FOXP2: variants seen among roughly 807,000 people sequenced by gnomAD.
FOXP2 encodes the protein forkhead box P2, also known as forkhead box protein P2.
In FOXP2, 12 loss-of-function variants were observed where a neutral mutation model predicts 115.8. The ratio of observed to expected loss-of-function variants is 0.10; its 90% confidence interval spans 0.07 to 0.17. FOXP2 has a LOEUF of 0.17. Ranked by LOEUF, FOXP2 falls within the 10% of genes least tolerant of loss-of-function variation. The pLI is 1.00. For synonymous variants in FOXP2, 328 were observed against 297.7 expected (o/e 1.10, Z -1.05); for missense variants, 629 against 843.5 (o/e 0.75, Z 3.15).
At chr7:114,301,593 G>A (rs1407382366) in intron 2 of FOXP2, among the ~76,000 whole-genome samples, 2 of 152,060 alleles carry the variant, frequency 1.3e-5, no homozygotes, top group Non-Finnish European at 2.9e-5. Context: ...TTGGACAAGT[G>A]TGTTTATCTC....
chr7:114,573,004 T>C (rs1801395725), intron 3 of FOXP2, among the ~76,000 whole-genome samples: 1 of 151,838 alleles, frequency 6.6e-6, no homozygotes. Flanking sequence ...GGTTCTTCCA[T>C]GTGTCTGAGA....
chr7:114,499,584 T>C (rs1434422589), intron 2 of FOXP2: 1 of 152,162 alleles, frequency 6.6e-6, no homozygotes, highest in Non-Finnish European at 1.5e-5. Flanking sequence ...TAATTATGAT[T>C]TTCTCTTCAT....
chr7:114,236,503 A>G (rs1394237987), intron 1 of FOXP2, among the ~76,000 whole-genome samples: 1 of 152,208 alleles, frequency 6.6e-6, no homozygotes, highest in Non-Finnish European at 1.5e-5. Flanking sequence ...TCGAATTGTA[A>G]ATGTATAGCT....
intron 6 of FOXP2, among the ~76,000 whole-genome samples, chr7:114,636,644 G>A (rs1439060006): frequency 6.9e-6 from 1 of 144,156 alleles, no homozygotes; most frequent in Non-Finnish European, 1.5e-5. Context: ...TTTTTTGAGT[G>A]TAAAAAAGCT....
chr7:114,132,656 G>C (rs887097678), intron 1 of FOXP2, among the ~76,000 whole-genome samples: 1 of 149,832 alleles, frequency 6.7e-6, no homozygotes, highest in Admixed American at 6.7e-5. Context: ...TGGCCAGGAA[G>C]CCCTCACTGA....
intron 3 of FOXP2, among the ~76,000 whole-genome samples, chr7:114,616,077 A>G (rs905566173): frequency 1.3e-5 from 2 of 152,058 alleles, no homozygotes; most frequent in East Asian, 3.9e-4. Context: ...AAGGACAGGA[A>G]CCTTTTATGT....
chr7:114,572,680 G>A (rs1193944506), intron 3 of FOXP2, among the ~76,000 whole-genome samples: 1 of 151,778 alleles, frequency 6.6e-6, no homozygotes, highest in East Asian at 1.9e-4. Context: ...TCGTTAAACT[G>A]AAGAGTGAGG....
intron 1 of FOXP2, among the ~76,000 whole-genome samples, chr7:114,277,499 A>G (rs943126088): frequency 2.0e-5 from 3 of 151,980 alleles, no homozygotes; most frequent in African/African-American, 7.2e-5. Flanking sequence ...TAAATATTGG[A>G]TACAGTCTAG....
rs1157086279 is a variant in FOXP2 at position 114,109,353 on chromosome 7, A to G, written c.-247+21515A>G. ...TTCATCTTCATCTTTAATGTCATGCATTCTGTCTCATCTTCATAATTCATC... is the reference window on the plus strand; with the variant it reads ...TTCATCTTCATCTTTAATGTCATGCGTTCTGTCTCATCTTCATAATTCATC... On this transcript the variant is annotated intron_variant, in intron 1 of 19. Coordinates refer to the FOXP2 transcript ENST00000635638. Among the ~76,000 whole-genome samples the G allele has an allele frequency of 2.6e-5, 4 of 152,066 alleles. No homozygotes were observed. The East Asian group carries it at 5.8e-4, about 22-fold the overall frequency.
intron 1 of FOXP2, among the ~76,000 whole-genome samples, chr7:114,229,509 G>A (rs1794821142): frequency 6.6e-6 from 1 of 151,554 alleles, no homozygotes; most frequent in Non-Finnish European, 1.5e-5. Context: ...CATAAAACAA[G>A]TTTGCAAATG....
In FOXP2 at chr7:114,450,926, G is replaced by T. The variant is rs188923864; in HGVS notation, c.168+24247G>T. Among the ~76,000 whole-genome samples, 395 of 152,094 alleles carry T rather than the reference G, an allele frequency of 2.6e-3. 2 individuals are homozygous for T. The highest frequency in any genetic ancestry group is 4.5e-3 in the Non-Finnish European group (308 of 67,956). On this transcript the variant is annotated intron_variant, in intron 2 of 16. Transcript: ENST00000350908. ...ATGTCTCTGTTCATGTAAAACACAA[G>T]TTGGTTTAATTTTTTAAAGATACAC...
intron 1 of FOXP2, among the ~76,000 whole-genome samples, chr7:114,138,931 T>C (rs1792126292): frequency 6.6e-6 from 1 of 152,138 alleles, no homozygotes; most frequent in Non-Finnish European, 1.5e-5. Context: ...AAGTGTGAAC[T>C]TCAGTTAATT....
chr7:114,446,050 G>A (rs942665110), intron 2 of FOXP2, among the ~76,000 whole-genome samples: 3 of 147,478 alleles, frequency 2.0e-5, no homozygotes, highest in African/African-American at 7.4e-5. Flanking sequence ...TAGTTTTTTT[G>A]CTTTTTAATA....
intron 2 of FOXP2, among the ~76,000 whole-genome samples, chr7:114,292,717 C>G (rs1562857363): frequency 6.6e-6 from 1 of 152,206 alleles, no homozygotes; most frequent in South Asian, 2.1e-4. Context: ...CATAGTCAAT[C>G]GGATGTTGCA....
At chr7:114,571,182 A>G (rs1170336115) in intron 3 of FOXP2, among the ~76,000 whole-genome samples, 1 of 151,920 alleles carries the variant, frequency 6.6e-6, no homozygotes, top group African/African-American at 2.4e-5. Context: ...TAATTTGATG[A>G]GGGAGTGTTG....
chr7:114,592,546 G>A (rs1481814828), intron 3 of FOXP2, among the ~76,000 whole-genome samples: 2 of 151,832 alleles, frequency 1.3e-5, no homozygotes, highest in Non-Finnish European at 2.9e-5. Context: ...TTTCTTTACA[G>A]ATCTATTTTA....
intron 3 of FOXP2, among the ~76,000 whole-genome samples, chr7:114,565,482 C>G (rs560980598): frequency 2.0e-5 from 3 of 152,200 alleles, no homozygotes; most frequent in African/African-American, 7.2e-5. Context: ...AAATGCATAT[C>G]CCTGGACGCT....
chr7:114,235,111 A>G (rs1174565562), intron 1 of FOXP2, among the ~76,000 whole-genome samples: 1 of 151,994 alleles, frequency 6.6e-6, no homozygotes, highest in Non-Finnish European at 1.5e-5. Flanking sequence ...ATGGTCTCAT[A>G]TAGTTTTCAA....
At chr7:114,163,122 C>G (rs1025718831) in intron 1 of FOXP2, 1 of 152,116 alleles carries the variant, frequency 6.6e-6, no homozygotes, top group South Asian at 2.1e-4. Flanking sequence ...TTTTTCATCT[C>G]TCAGTTTTTA....
Sources: allele counts gnomAD v4.1 joint callset (sites outside exome capture counted in the v4.1 genomes callset), GRCh38; gene constraint gnomAD v4.1.1; transcripts MANE v1.5; gene names NCBI Gene and HGNC (gene_info 2026-07-23, HGNC 2026-07-21).